Variants in MARCHF8 observed in about 807,000 individuals in gnomAD.
MARCHF8 encodes the protein E3 ubiquitin-protein ligase MARCHF8.
MARCHF8 carries 40 observed loss-of-function variants against 51.6 expected under a neutral mutation model. The observed-to-expected ratio is 0.77, with a 90% confidence interval of 0.60 to 1.01. The LOEUF is 1.01. Among genes scored for constraint, MARCHF8 ranks in the 50% least tolerant of loss-of-function variants. The pLI, the probability that MARCHF8 is intolerant of heterozygous loss-of-function variation, is 0.00. For synonymous variants in MARCHF8, 263 were observed against 280.3 expected, an observed-to-expected ratio of 0.94 and a Z score of 0.62; for missense variants, 685 against 708.6, an observed-to-expected ratio of 0.97 and a Z score of 0.38.
intron 1 of MARCHF8, among the ~76,000 whole-genome samples, chr10:45,570,986 C>T (rs2044422121): frequency 2.0e-5 from 3 of 152,186 alleles, no homozygotes; most frequent in Admixed American, 6.5e-5. Flanking sequence ...TCAACACTGT[C>T]AAGATGTTGA....
intron 1 of MARCHF8, among the ~76,000 whole-genome samples, chr10:45,575,373 T>A (rs2044478098): frequency 6.6e-6 from 1 of 152,196 alleles, no homozygotes; most frequent in South Asian, 2.1e-4. Flanking sequence ...CCTTCCAGCC[T>A]CACAGGCCCA....
At chr10:45,475,691 G>A (rs539988708) in intron 3 of MARCHF8, among the ~76,000 whole-genome samples, 2 of 152,212 alleles carry the variant, frequency 1.3e-5, no homozygotes, top group South Asian at 4.2e-4. Context: ...CTGCCCAGGA[G>A]CCCAAGAATT....
Position 45,463,961 on chromosome 10 carries a change from C to T in MARCHF8, c.278G>A (p.Ser93Asn). 6.5e-7 allele frequency: 1 copy of T among 1,536,078 alleles called. No individual in the cohort carries two copies. Among genetic ancestry groups the T allele is most frequent in the African/African-American group, 1.4e-5 (1 of 73,178 alleles). ...SAVFSECCHH[S>N]SVQSAVVSKA... Reference sequence around the variant, plus strand: ...CGAGACAACAGCAGACTGCACGGAACTGTGGTGACAACACTCAGAAAACAC... The same window carrying T: ...CGAGACAACAGCAGACTGCACGGAATTGTGGTGACAACACTCAGAAAACAC... The change falls in exon 5 of 8, where the codon AGT becomes AAT. Residue 93 changes from serine (S) to asparagine (N), a missense_variant. By Grantham distance (46) the Ser-to-Asn change is conservative. Transcript: ENST00000453424.
chr10:45,484,763 C>T (rs531750642), intron 3 of MARCHF8, among the ~76,000 whole-genome samples: 61 of 152,110 alleles, frequency 4.0e-4, no homozygotes, highest in African/African-American at 1.3e-3. Context: ...AGAGGCCTCT[C>T]GGACAGAACA....
rs541076688 is a variant in MARCHF8 at position 45,571,577 on chromosome 10, G to C, written c.-79+22658C>G. Reference sequence around the variant, plus strand: ...TTCACAGACGTGAGTGAAATTTGGTGCCGTGACTCGGATCGGCGGACCTCC... The same window carrying C: ...TTCACAGACGTGAGTGAAATTTGGTCCCGTGACTCGGATCGGCGGACCTCC... On this transcript the variant is annotated intron_variant, in intron 1 of 6. Coordinates refer to the MARCHF8 transcript ENST00000319836. 3.3e-5 allele frequency among the ~76,000 whole-genome samples: 5 copies of C among 152,248 alleles called. No individual in the cohort carries two copies. In the South Asian group the frequency reaches 1.0e-3, roughly 32 times the overall value.
intron 1 of MARCHF8, among the ~76,000 whole-genome samples, chr10:45,546,897 T>G (rs916917934): frequency 2.6e-5 from 4 of 151,912 alleles, no homozygotes; most frequent in Non-Finnish European, 5.9e-5. Flanking sequence ...AACAAAAGAC[T>G]GAAGTTTGTT....
chr10:45,517,143 T>C (rs989381148), intron 2 of MARCHF8, among the ~76,000 whole-genome samples: 4 of 152,164 alleles, frequency 2.6e-5, no homozygotes, highest in African/African-American at 9.7e-5. Flanking sequence ...TATCAGCTAG[T>C]TGACAGTAGA....
Position 45,511,926 on chromosome 10 carries a change from C to T in MARCHF8, c.102+21184G>A, listed in dbSNP as rs1018938893. On this transcript the variant is annotated intron_variant, in intron 2 of 7. Transcript: ENST00000453424. ...GCTGCCCAGTCTGGAAAGTGAGGAGCGCCTCTTCCTGGCCGCCATCCCGTC... is the reference window on the plus strand; with the variant it reads ...GCTGCCCAGTCTGGAAAGTGAGGAGTGCCTCTTCCTGGCCGCCATCCCGTC... 1.7e-4 allele frequency among the ~76,000 whole-genome samples: 25 copies of T among 148,656 alleles called. 1 individual carries two copies. The highest frequency in any genetic ancestry group is 1.0e-3 in the East Asian group (5 of 4,920).
intron 1 of MARCHF8, among the ~76,000 whole-genome samples, chr10:45,545,545 G>C (rs543343292): frequency 1.0e-3 from 158 of 152,274 alleles, no homozygotes; most frequent in African/African-American, 3.7e-3. Context: ...AATTGAAATG[G>C]ATTTCAAATA....
At position 45,463,927 on chromosome 10, in the gene MARCHF8, A is replaced by T. The variant is rs1448945046; in HGVS notation, c.312T>A (p.Pro104=). ...CTTGTGTCAGAGAACTCTGGCAGTG[A>T]GGAGCTTTCGAGACAACAGCAGACT... The part of the protein sequence containing the change: ...SVQSAVVSKA[P]HCQSSLTQGL... The change falls in exon 5 of 8, where the codon CCT becomes CCA. Residue 104 remains proline (P), a synonymous_variant. Transcript: ENST00000453424. 1 of 1,536,294 alleles carries T rather than the reference A, an allele frequency of 6.5e-7. No homozygotes were observed. Among genetic ancestry groups the T allele is most frequent in the Admixed American group, 2.0e-5 (1 of 51,004 alleles).
chr10:45,512,280 C>A (rs1317320360), intron 2 of MARCHF8, among the ~76,000 whole-genome samples: 2 of 151,556 alleles, frequency 1.3e-5, no homozygotes, highest in East Asian at 4.0e-4. Flanking sequence ...AGCCCCTACG[C>A]CCGGCAGCCA....
chr10:45,473,600 G>C (rs1299469691), intron 3 of MARCHF8, among the ~76,000 whole-genome samples: 1 of 151,212 alleles, frequency 6.6e-6, no homozygotes, highest in Non-Finnish European at 1.5e-5. Context: ...CCTCTGAGAG[G>C]CATCAAGAGA....
chr10:45,564,619 CTT>C (rs2044344659), intron 1 of MARCHF8, among the ~76,000 whole-genome samples: 1 of 152,040 alleles, frequency 6.6e-6, no homozygotes, highest in African/African-American at 2.4e-5. Context: ...AAAATACTGA[CTT>C]ATAAATCCAA....
intron 1 of MARCHF8, among the ~76,000 whole-genome samples, chr10:45,585,006 C>T (rs957014608): frequency 1.3e-5 from 2 of 152,140 alleles, no homozygotes; most frequent in African/African-American, 2.4e-5. Flanking sequence ...TCCAGAGCCT[C>T]CAGAAAAGAA....
At position 45,579,945 on chromosome 10, in the gene MARCHF8, G is replaced by A. The variant is rs967968208; in HGVS notation, c.-79+14290C>T. Among the ~76,000 whole-genome samples, 6 of 147,156 alleles carry A rather than the reference G, an allele frequency of 4.1e-5. 1 individual carries two copies. The Middle Eastern group carries it at 0.014, about 348-fold the overall frequency. Reference sequence around the variant, plus strand: ...GGAGAATTGCTTGAACTCGGGAGGCGGAGGTTGCAGTGAGCCGAGATCATA... The same window carrying A: ...GGAGAATTGCTTGAACTCGGGAGGCAGAGGTTGCAGTGAGCCGAGATCATA... On this transcript the variant is annotated intron_variant, in intron 1 of 6. Transcript: ENST00000319836.
At chr10:45,500,684 TAAAC>T (rs2043262714) in intron 2 of MARCHF8, among the ~76,000 whole-genome samples, 2 of 151,932 alleles carry the variant, frequency 1.3e-5, no homozygotes, top group East Asian at 1.9e-4. Flanking sequence ...ATTAGGAAAA[TAAAC>T]AAAATAAAAG....
At chr10:45,460,570 A>G (rs774549883) in intron 6 of MARCHF8, among the ~76,000 whole-genome samples, 24 of 152,364 alleles carry the variant, frequency 1.6e-4, no homozygotes, top group South Asian at 4.1e-4. Flanking sequence ...TCTTCCAGAC[A>G]AAACCTTTTG....
chr10:45,478,676 T>C (rs962478858), intron 3 of MARCHF8, among the ~76,000 whole-genome samples: 4 of 151,228 alleles, frequency 2.6e-5, no homozygotes, highest in Non-Finnish European at 4.4e-5. Flanking sequence ...AAATAAAATC[T>C]GAAATGAAAA....
upstream of MARCHF8, among the ~76,000 whole-genome samples, chr10:45,538,387 G>A (rs536083163): frequency 9.2e-5 from 14 of 152,256 alleles, no homozygotes; most frequent in African/African-American, 3.1e-4. Context: ...GACCATCAAG[G>A]CTAGGAAGAA....
Sources: gnomAD v4.1 joint callset for allele counts (sites outside exome capture counted in the v4.1 genomes callset) on GRCh38, gnomAD v4.1.1 for gene constraint, MANE v1.5 for transcripts, NCBI Gene and HGNC (gene_info 2026-07-23, HGNC 2026-07-21) for gene names.